The following PACRG variants were observed in gnomAD, a reference collection of about 807,000 sequenced individuals.
PACRG encodes the protein parkin coregulated gene protein.
In PACRG, 29 loss-of-function variants were observed where a neutral mutation model predicts 29.7. The observed-to-expected ratio is 0.98, with a 90% confidence interval of 0.73 to 1.33. The LOEUF (loss-of-function observed/expected upper bound fraction) is 1.33. Among genes scored for constraint, PACRG ranks in the 40% most tolerant of loss-of-function variants. The pLI, the probability that PACRG is intolerant of heterozygous loss-of-function variation, is 0.00. For missense variants in PACRG, 279 were observed against 316.2 expected (o/e 0.88, Z 0.89); for synonymous variants, 116 against 118.7 (o/e 0.98, Z 0.15).
chr6:162,945,397 G>A (rs578082664), intron 2 of PACRG, among the ~76,000 whole-genome samples: 3 of 151,812 alleles, frequency 2.0e-5, no homozygotes, highest in Non-Finnish European at 4.4e-5. Flanking sequence ...ATAAAAAACA[G>A]CAAAAAATGA....
intron 4 of PACRG, among the ~76,000 whole-genome samples, chr6:163,287,668 G>T (rs1203465860): frequency 6.6e-6 from 1 of 152,200 alleles, no homozygotes; most frequent in Non-Finnish European, 1.5e-5. Context: ...GGAAGCATTT[G>T]AGCAAAGAAC....
intron 2 of PACRG, among the ~76,000 whole-genome samples, chr6:163,032,570 A>G (rs547039880): frequency 6.6e-6 from 1 of 152,382 alleles, no homozygotes; most frequent in Non-Finnish European, 1.5e-5. Context: ...AATTATAATT[A>G]TTACTGATAA....
At chr6:162,759,202 T>C (rs1782160732) in intron 1 of PACRG, among the ~76,000 whole-genome samples, 1 of 152,210 alleles carries the variant, frequency 6.6e-6, no homozygotes, top group Admixed American at 6.5e-5. Context: ...TAAAAGCAGA[T>C]TCCGTTGAAG....
At chr6:162,727,735 C>T, upstream of PACRG, 1 of 1,505,430 alleles carries the variant, frequency 6.6e-7, no homozygotes, top group Non-Finnish European at 9.0e-7. Context: ...CCAGCCGCGC[C>T]TCCCACCAGC....
At chr6:163,028,379 T>G (rs935147409) in intron 2 of PACRG, among the ~76,000 whole-genome samples, 1 of 152,074 alleles carries the variant, frequency 6.6e-6, no homozygotes, top group Non-Finnish European at 1.5e-5. Context: ...CCTTCCAAAG[T>G]TAGATTTTGA....
intron 2 of PACRG, among the ~76,000 whole-genome samples, chr6:162,959,169 T>A (rs1800399379): frequency 6.6e-6 from 1 of 151,646 alleles, no homozygotes; most frequent in Admixed American, 6.6e-5. Flanking sequence ...TCCTCCTGCC[T>A]TAGCCTACCA....
intron 2 of PACRG, among the ~76,000 whole-genome samples, chr6:162,969,864 T>A (rs181749050): frequency 1.7e-3 from 261 of 152,294 alleles, no homozygotes; most frequent in African/African-American, 5.9e-3. Context: ...GCAGAAAGTA[T>A]CTCCTTTCAT....
In PACRG at chr6:162,728,169, T is replaced by A; in HGVS notation, c.-67T>A. The A allele has an allele frequency of 6.4e-7, 1 of 1,563,052 alleles. No individual in the cohort carries two copies. The highest frequency in any genetic ancestry group is 8.7e-7 in the Non-Finnish European group (1 of 1,150,010). On this transcript the variant is annotated 5_prime_UTR_variant, in exon 1 of 5. Transcript: ENST00000366888. Reference sequence around the variant, plus strand: ...TGATATTTTTTTCCAGACCTCCTGCTCACATCCGTAAAGCCCACTGATTCT... The same window carrying A: ...TGATATTTTTTTCCAGACCTCCTGCACACATCCGTAAAGCCCACTGATTCT...
intron 2 of PACRG, among the ~76,000 whole-genome samples, chr6:162,904,880 G>A (rs1204067410): frequency 6.6e-6 from 1 of 152,210 alleles, no homozygotes; most frequent in Non-Finnish European, 1.5e-5. Context: ...TGAAGATTAG[G>A]CTTCTTTGAG....
intron 4 of PACRG, among the ~76,000 whole-genome samples, chr6:163,151,061 A>G (rs1432521244): frequency 6.6e-6 from 1 of 152,172 alleles, no homozygotes; most frequent in Non-Finnish European, 1.5e-5. Flanking sequence ...GATTTTTAAA[A>G]CTTTTACATC....
intron 4 of PACRG, among the ~76,000 whole-genome samples, chr6:163,244,476 T>C (rs1782619876): frequency 6.6e-6 from 1 of 152,194 alleles, no homozygotes; most frequent in Non-Finnish European, 1.5e-5. Context: ...CCCTCTGTCA[T>C]GGGAATAAGC....
At chr6:163,168,045 T>A (rs2128345162) in intron 4 of PACRG, among the ~76,000 whole-genome samples, 1 of 152,370 alleles carries the variant, frequency 6.6e-6, no homozygotes, top group East Asian at 1.9e-4. Flanking sequence ...CATATTATTT[T>A]GTACACTGTC....
chr6:162,969,756 C>T (rs996841463), intron 2 of PACRG, among the ~76,000 whole-genome samples: 6 of 152,178 alleles, frequency 3.9e-5, no homozygotes, highest in Admixed American at 6.5e-5. Context: ...ATCTTCAAGA[C>T]GTTCTACTTG....
intron 4 of PACRG, among the ~76,000 whole-genome samples, chr6:163,187,225 C>T (rs1411175984): frequency 6.6e-6 from 1 of 152,194 alleles, no homozygotes; most frequent in Non-Finnish European, 1.5e-5. Context: ...CACATCCGCT[C>T]CTCCGTTGTA....
intron 2 of PACRG, among the ~76,000 whole-genome samples, chr6:162,932,905 G>C (rs1486348263): frequency 6.6e-6 from 1 of 151,276 alleles, no homozygotes; most frequent in Non-Finnish European, 1.5e-5. Context: ...AAAAATTTTG[G>C]GTTTAGCTTT....
At chr6:162,739,020 G>T (rs781102789) in intron 1 of PACRG, among the ~76,000 whole-genome samples, 5 of 152,146 alleles carry the variant, frequency 3.3e-5, no homozygotes, top group Non-Finnish European at 7.4e-5. Context: ...AAGTTCACCA[G>T]ATTTGGAATT....
intron 4 of PACRG, among the ~76,000 whole-genome samples, chr6:163,234,926 G>A (rs544896341): frequency 2.4e-4 from 36 of 152,170 alleles, no homozygotes; most frequent in Non-Finnish European, 4.4e-4. Flanking sequence ...TGATTTTGAC[G>A]AAGGAAAGTG....
intron 2 of PACRG, among the ~76,000 whole-genome samples, chr6:162,876,722 C>T (rs1171248886): frequency 6.6e-6 from 1 of 152,178 alleles, no homozygotes; most frequent in Non-Finnish European, 1.5e-5. Flanking sequence ...AATTAAATCC[C>T]ATTTGTCAAC....
At chr6:163,230,119 G>T (rs1297610047) in intron 4 of PACRG, among the ~76,000 whole-genome samples, 5 of 152,204 alleles carry the variant, frequency 3.3e-5, no homozygotes, top group Admixed American at 3.3e-4. Context: ...TTTGCAAAGA[G>T]AATGTACGTC....
Sources: allele counts gnomAD v4.1 joint callset (sites outside exome capture counted in the v4.1 genomes callset), GRCh38; gene constraint gnomAD v4.1.1; transcripts MANE v1.5; gene names NCBI Gene and HGNC (gene_info 2026-07-23, HGNC 2026-07-21).